WASF2: variants seen among roughly 807,000 people sequenced by gnomAD.
The protein encoded by WASF2 is WASP family member 2.
In WASF2, 14 loss-of-function variants were observed where a neutral mutation model predicts 45.0. That is an observed-to-expected ratio of 0.31 (90% CI 0.21 to 0.49). WASF2 has a LOEUF of 0.49. Ranked by LOEUF, WASF2 falls within the 20% of genes least tolerant of loss-of-function variation. The pLI is 0.99. For missense variants in WASF2, 439 were observed against 636.1 expected (o/e 0.69, Z 3.33); for synonymous variants, 200 against 236.3 (o/e 0.85, Z 1.41).
intron 1 of WASF2, among the ~76,000 whole-genome samples, chr1:27,441,621 G>A (rs2017230812): frequency 6.6e-6 from 1 of 152,110 alleles, no homozygotes; most frequent in South Asian, 2.1e-4. Flanking sequence ...GGGCGTGGTG[G>A]CGGGCGCCTG....
intron 1 of WASF2, among the ~76,000 whole-genome samples, chr1:27,446,601 C>T (rs1010480512): frequency 2.0e-5 from 3 of 151,914 alleles, no homozygotes; most frequent in African/African-American, 7.3e-5. Flanking sequence ...GGTAACATGG[C>T]AAAACCCCAT....
chr1:27,447,022 T>A (rs534746211), intron 1 of WASF2, among the ~76,000 whole-genome samples: 2 of 152,120 alleles, frequency 1.3e-5, no homozygotes, highest in Non-Finnish European at 2.9e-5. Flanking sequence ...TAGCTAAATC[T>A]CTATCAACTG....
intron 1 of WASF2, among the ~76,000 whole-genome samples, chr1:27,451,889 A>G (rs2017388359): frequency 6.6e-6 from 1 of 152,226 alleles, no homozygotes; most frequent in Non-Finnish European, 1.5e-5. Context: ...TACATATGAT[A>G]AAGTTTAATT....
At chr1:27,481,738 AG>A (rs1237854915) in intron 1 of WASF2, among the ~76,000 whole-genome samples, 2 of 152,170 alleles carry the variant, frequency 1.3e-5, no homozygotes, top group Non-Finnish European at 2.9e-5. Flanking sequence ...AAAAGAAAAA[AG>A]AAAAAAAAAG....
intron 7 of WASF2, among the ~76,000 whole-genome samples, chr1:27,411,137 A>G (rs1178684136): frequency 1.3e-5 from 2 of 152,204 alleles, no homozygotes; most frequent in African/African-American, 4.8e-5. Flanking sequence ...ATGAGGGGAG[A>G]GAAGGAGGAC....
At chr1:27,446,281 T>C (rs2017309086) in intron 1 of WASF2, among the ~76,000 whole-genome samples, 1 of 152,184 alleles carries the variant, frequency 6.6e-6, no homozygotes, top group African/African-American at 2.4e-5. Flanking sequence ...TGGATCTTTG[T>C]TGTGATTTCA....
In WASF2 at chr1:27,443,973, G is replaced by A. The variant is rs375128784; in HGVS notation, c.-43-15040C>T. Reference sequence around the variant, plus strand: ...TTTTTGTATTTTTAGTAGATATGGCGTTTCATCATGTTGGCCAGGCTGGTC... The same window carrying A: ...TTTTTGTATTTTTAGTAGATATGGCATTTCATCATGTTGGCCAGGCTGGTC... On this transcript the variant is annotated intron_variant, in intron 1 of 8. Transcript: ENST00000618852. Among the ~76,000 whole-genome samples, 34 of 152,136 alleles carry A rather than the reference G, an allele frequency of 2.2e-4. No homozygotes were observed. The East Asian group carries it at 4.3e-3, about 19-fold the overall frequency.
At chr1:27,454,630 G>A (rs1020690752) in intron 1 of WASF2, among the ~76,000 whole-genome samples, 4 of 152,012 alleles carry the variant, frequency 2.6e-5, no homozygotes, top group African/African-American at 7.3e-5. Flanking sequence ...GAACTACTGC[G>A]CCCAGCCACT....
intron 1 of WASF2, among the ~76,000 whole-genome samples, chr1:27,460,446 G>T (rs763075882): frequency 1.3e-5 from 2 of 152,158 alleles, no homozygotes; most frequent in African/African-American, 2.4e-5. Context: ...TGGTAAACAA[G>T]ATTCAATTAT....
chr1:27,420,514 C>G (rs1223953377), intron 2 of WASF2, among the ~76,000 whole-genome samples: 1 of 82,490 alleles, frequency 1.2e-5, no homozygotes, highest in Non-Finnish European at 2.0e-5. Flanking sequence ...ACCATCTGAG[C>G]TTTTTTTTTT....
chr1:27,450,405 C>T (rs965426536), intron 1 of WASF2, among the ~76,000 whole-genome samples: 2 of 152,300 alleles, frequency 1.3e-5, no homozygotes, highest in East Asian at 3.9e-4. Flanking sequence ...GACCCTGAAT[C>T]TCCCAAACCA....
intron 1 of WASF2, among the ~76,000 whole-genome samples, chr1:27,437,776 T>C (rs1031260335): frequency 6.6e-6 from 1 of 152,212 alleles, no homozygotes; most frequent in African/African-American, 2.4e-5. Flanking sequence ...TCTTACCCTT[T>C]ACTCCTAATA....
intron 2 of WASF2, 115 bp downstream of exon 2, chr1:27,428,646 G>A (rs1042006784): frequency 5.3e-6 from 8 of 1,509,300 alleles, no homozygotes; most frequent in Admixed American, 3.6e-5. Context: ...ATACATTTTC[G>A]CATTACCTAG....
At chr1:27,489,235 G>C (rs2017990210) in intron 1 of WASF2, among the ~76,000 whole-genome samples, 1 of 143,982 alleles carries the variant, frequency 6.9e-6, no homozygotes, top group Non-Finnish European at 1.5e-5. Context: ...TTACTCTGCA[G>C]ACTATCCTGT....
At chr1:27,456,697 T>TAA (rs2017472092) in intron 1 of WASF2, among the ~76,000 whole-genome samples, 1 of 151,756 alleles carries the variant, frequency 6.6e-6, no homozygotes, top group Non-Finnish European at 1.5e-5. Context: ...AGAAGTTAAG[T>TAA]AAAACTTCCA....
intron 1 of WASF2, among the ~76,000 whole-genome samples, chr1:27,487,650 A>C (rs868033825): frequency 1.0e-5 from 1 of 99,272 alleles, no homozygotes; most frequent in Non-Finnish European, 1.9e-5. Flanking sequence ...TATATTATAT[A>C]TTATATAATA....
intron 1 of WASF2, among the ~76,000 whole-genome samples, chr1:27,487,613 T>A (rs1193696795): frequency 3.0e-5 from 3 of 99,524 alleles, no homozygotes; most frequent in South Asian, 2.5e-4. Flanking sequence ...TAATATATAT[T>A]ATATATATTT....
chr1:27,467,917 A>T (rs1056783030), intron 1 of WASF2, among the ~76,000 whole-genome samples: 1 of 151,618 alleles, frequency 6.6e-6, no homozygotes, highest in African/African-American at 2.4e-5. Flanking sequence ...GTTTCTTCTT[A>T]TCTTTTTAAT....
At chr1:27,461,754 G>A (rs964466715) in intron 1 of WASF2, among the ~76,000 whole-genome samples, 5 of 151,786 alleles carry the variant, frequency 3.3e-5, no homozygotes, top group South Asian at 4.2e-4. Context: ...GATTACAGGC[G>A]TGAGCCACCG....
Sources: allele counts gnomAD v4.1 joint callset (sites outside exome capture counted in the v4.1 genomes callset), GRCh38; gene constraint gnomAD v4.1.1; transcripts MANE v1.5; gene names NCBI Gene and HGNC (gene_info 2026-07-23, HGNC 2026-07-21).